Variants in PNRC2 observed in about 807,000 individuals in gnomAD.
PNRC2 encodes the protein proline rich nuclear receptor coactivator 2.
PNRC2 carries 2 observed loss-of-function variants against 12.2 expected under a neutral mutation model. The ratio of observed to expected loss-of-function variants is 0.16; its 90% CI spans 0.07 to 0.52. The LOEUF (loss-of-function observed/expected upper bound fraction) is 0.52, where lower values mean the gene tolerates loss of function less well. Among genes scored for constraint, PNRC2 ranks in the 20% least tolerant of loss-of-function variants. The pLI, the probability that PNRC2 is intolerant of heterozygous loss-of-function variation, is 0.95. For synonymous variants in PNRC2, 44 were observed against 53.9 expected, an observed-to-expected ratio of 0.82 and a Z score of 0.80; for missense variants, 115 against 158.4, an observed-to-expected ratio of 0.73 and a Z score of 1.47.
rs1641295261 is a variant in PNRC2 at position 23,962,293 on chromosome 1, T to C, written c.*416T>C. ...ATTAGAAACACCCAAACCAGTAATATGCTAACCTGATGCACTGCTGAAAGA... is the reference window on the plus strand; with the variant it reads ...ATTAGAAACACCCAAACCAGTAATACGCTAACCTGATGCACTGCTGAAAGA... On this transcript the variant is annotated 3_prime_UTR_variant, in exon 3 of 3. Coordinates refer to ENST00000334351, the MANE Select transcript of PNRC2 (RefSeq NM_017761.4). 1.1e-5 allele frequency: 2 copies of C among 174,740 alleles called. No individual in the cohort carries two copies. Among genetic ancestry groups the C allele is most frequent in the Non-Finnish European group, 2.8e-5 (2 of 72,334 alleles). The allele number at this position is 174,740 out of a possible 1,614,324, so 10.8% of individuals were successfully genotyped here.
In PNRC2 at chr1:23,962,340, A is replaced by G. The variant is rs1160599217; in HGVS notation, c.*463A>G. ...AAGAAAATGTGAATTTTTCGTAATA[A>G]TTGCATTTTAGTGAATTGTACAGTG... On this transcript the variant is annotated 3_prime_UTR_variant, in exon 3 of 3. Transcript: ENST00000334351. The G allele has an allele frequency of 5.9e-6, 1 of 170,538 alleles. No individual in the cohort carries two copies. The highest frequency in any genetic ancestry group is 6.2e-5 in the Admixed American group (1 of 16,076). The allele number at this position is 170,538 out of a possible 1,614,324, so 10.6% of individuals were successfully genotyped here. A position where few individuals can be genotyped will look rare whatever the true frequency, so the allele number is the denominator to read the frequency against.
At chr1:23,960,601 T>C (rs373961384) in intron 1 of PNRC2, among the ~76,000 whole-genome samples, 150 of 152,322 alleles carry the variant, frequency 9.8e-4, no homozygotes, top group African/African-American at 3.6e-3. Flanking sequence ...CTGAAGCCAA[T>C]TTTTTGATAT....
Position 23,961,547 on chromosome 1 carries a change from G to C in PNRC2, c.90G>C (p.Lys30Asn), listed in dbSNP as rs1279738881. ...NQQQLNRQKTKEQNSQMKIVH... is the reference protein window; with the variant it reads ...NQQQLNRQKTNEQNSQMKIVH... ...AACAGCTTAACAGACAGAAGACCAA[G>C]GAACAGAATTCCCAGATGAAGATTG... The change falls in exon 3 of 3, where the codon AAG becomes AAC. Residue 30 changes from lysine to asparagine, a missense_variant. This residue lies in a region of PNRC2 where 98 missense variants were observed against 112.4 expected (regional missense o/e 0.87). Coordinates refer to ENST00000334351, the MANE Select transcript of PNRC2 (RefSeq NM_017761.4). The C allele has an allele frequency of 4.3e-6, 7 of 1,613,544 alleles. No homozygotes were observed. The highest frequency in any genetic ancestry group is 5.9e-6 in the Non-Finnish European group (7 of 1,179,596).
chr1:23,959,496 G>A (rs1641236135), upstream of PNRC2, among the ~76,000 whole-genome samples: 2 of 152,300 alleles, frequency 1.3e-5, no homozygotes, highest in African/African-American at 4.8e-5. Flanking sequence ...TTTCCCCCAG[G>A]GCAGTCCCAA....
rs1190940796 is a variant in PNRC2, at chr1:23,959,866, C to G, written c.-357C>G. Reference sequence around the variant, plus strand: ...GAAGGAGAAGGTCGGGTTGTAGAAGCTGGGGTGGCCGGCAGCTCGCTCATC... The same window carrying G: ...GAAGGAGAAGGTCGGGTTGTAGAAGGTGGGGTGGCCGGCAGCTCGCTCATC... On this transcript the variant is annotated 5_prime_UTR_variant, in exon 1 of 3. Transcript: ENST00000334351. The G allele has an allele frequency of 6.6e-6, 1 of 152,304 alleles. No individual in the cohort carries two copies. The highest frequency in any genetic ancestry group is 1.5e-5 in the Non-Finnish European group (1 of 68,080). 9.4% of individuals were successfully genotyped at this position (152,304 alleles called of 1,614,324 possible).
Position 23,961,768 on chromosome 1 carries a change from C to G in PNRC2, c.311C>G (p.Pro104Arg). The G allele has an allele frequency of 6.2e-7, 1 of 1,613,908 alleles. No individual in the cohort carries two copies. Among genetic ancestry groups the G allele is most frequent in the South Asian group, 1.1e-5 (1 of 91,064 alleles). Reference protein sequence around the residue: ...AGAKFSEPPSPSVLPKPPSHW... With the variant: ...AGAKFSEPPSRSVLPKPPSHW... ...GCCAAATTTAGTGAGCCGCCATCAC[C>G]AAGTGTTCTTCCCAAACCACCAAGC... The change falls in exon 3 of 3, where the codon CCA (proline) becomes CGA (arginine). Residue 104 changes from proline to arginine, a missense_variant. By Grantham distance (103) the Pro-to-Arg change is moderately radical. Coordinates refer to ENST00000334351, the MANE Select transcript of PNRC2 (RefSeq NM_017761.4).
chr1:23,960,705 T>C (rs1230670804), intron 1 of PNRC2, among the ~76,000 whole-genome samples: 1 of 152,184 alleles, frequency 6.6e-6, no homozygotes, highest in Non-Finnish European at 1.5e-5. Context: ...TTGCGGGACT[T>C]GGAGACACTT....
Position 23,961,632 on chromosome 1 carries a change from A to T in PNRC2, c.175A>T (p.Met59Leu). 1 of 1,614,016 alleles carries T rather than the reference A, an allele frequency of 6.2e-7. No homozygotes were observed. ...CTCATCAGCAGCTGCCTGGCAGGCC[A>T]TGCAAAATGGGGGGAAGAACAAAAA... is the stretch of plus-strand genomic sequence containing the variant. ...YNSSAAAWQA[M>L]QNGGKNKNFP... is the part of the protein sequence containing the mutation. Residue 59 changes from methionine to leucine, a missense_variant, in exon 3 of 3, where the codon ATG becomes TTG. Met to Leu is a conservative substitution (Grantham distance 15). This residue lies in a region of PNRC2 where 98 missense variants were observed against 112.4 expected (regional missense o/e 0.87). Coordinates refer to ENST00000334351, the MANE Select transcript of PNRC2 (RefSeq NM_017761.4).
intron 2 of PNRC2, 85 bp from the exon 3 acceptor site, chr1:23,961,355 T>C (rs1271732549): frequency 9.2e-6 from 9 of 974,098 alleles, no homozygotes; most frequent in East Asian, 2.5e-5. Context: ...TCTGGAGTTA[T>C]AAGTTGGAGC....
chr1:23,960,796 C>T, intron 1 of PNRC2, 133 bp from the exon 2 acceptor site: 1 of 389,794 alleles, frequency 2.6e-6, no homozygotes, highest in East Asian at 3.6e-5. Context: ...CAAAGAAAGC[C>T]ATCTTACGAG....
Position 23,961,656 on chromosome 1 carries a change from A to G in PNRC2, c.199A>G (p.Asn67Asp). ...CATGCAAAATGGGGGGAAGAACAAA[A>G]ATTTTCCAAATAATCAAAGTTGGAA... ...QAMQNGGKNK[N>D]FPNNQSWNSS... is the part of the protein sequence containing the mutation. The change falls in exon 3 of 3, where the codon AAT becomes GAT. Residue 67 changes from asparagine to aspartate, a missense_variant. Coordinates refer to ENST00000334351, the MANE Select transcript of PNRC2 (RefSeq NM_017761.4). 1 of 1,613,922 alleles carries G rather than the reference A, an allele frequency of 6.2e-7. No homozygotes were observed. The highest frequency in any genetic ancestry group is 8.5e-7 in the Non-Finnish European group (1 of 1,179,828).
intron 2 of PNRC2, 86 bp from the exon 3 acceptor site, chr1:23,961,354 A>C (rs1228250446): frequency 1.0e-6 from 1 of 967,136 alleles, no homozygotes; most frequent in African/African-American, 1.6e-5. Flanking sequence ...ATCTGGAGTT[A>C]TAAGTTGGAG....
Position 23,961,690 on chromosome 1 carries a change from T to C in PNRC2, c.233T>C (p.Leu78Ser), listed in dbSNP as rs1203918241. The change falls in exon 3 of 3, where the codon TTA (leucine) becomes TCA (serine). Residue 78 changes from leucine to serine, a missense_variant. Around this residue, in one of 2 missense-constraint regions of PNRC2, gnomAD observed 98 missense variants for 112.4 expected, o/e 0.87. Transcript: ENST00000334351. ...FPNNQSWNSS[L>S]SGPRLLFKSQ... ...AATAATCAAAGTTGGAATTCTAGCT[T>C]ATCAGGTCCCAGGTTACTTTTTAAA... 2.5e-6 allele frequency: 4 copies of C among 1,613,888 alleles called. No homozygotes were observed. In the Admixed American group the frequency reaches 6.7e-5, roughly 27 times the overall value.
At position 23,959,997 on chromosome 1, in the gene PNRC2, C is replaced by G. The variant is rs1159809822; in HGVS notation, c.-226C>G. Reference sequence around the variant, plus strand: ...GCCGCGTTAGTTCCGAGCTTGAAGTCAGTAAGTAGCGGCTGCGCTAAGGGC... The same window carrying G: ...GCCGCGTTAGTTCCGAGCTTGAAGTGAGTAAGTAGCGGCTGCGCTAAGGGC... On this transcript the variant is annotated splice_region_variant and 5_prime_UTR_variant, in exon 1 of 3. Coordinates refer to ENST00000334351, the MANE Select transcript of PNRC2 (RefSeq NM_017761.4). 1 of 152,244 alleles carries G rather than the reference C, an allele frequency of 6.6e-6. No homozygotes were observed. The highest frequency in any genetic ancestry group is 1.5e-5 in the Non-Finnish European group (1 of 68,050). The allele number at this position is 152,244 out of a possible 1,614,324, so 9.4% of individuals were successfully genotyped here. A position where few individuals can be genotyped will look rare whatever the true frequency, so the allele number is the denominator to read the frequency against.
rs1294706297 is a variant in PNRC2, at chr1:23,963,277, TGATGCCTAAGCAGGTAAGCA to T, written c.*1412_*1431del. On this transcript the variant is annotated 3_prime_UTR_variant, in exon 3 of 3. Coordinates refer to ENST00000334351, the MANE Select transcript of PNRC2 (RefSeq NM_017761.4). Reference sequence around the variant, plus strand: ...CCCTATTTTCTAATTTGGCACCTCTTGATGCCTAAGCAGGTAAGCAGATGCCTAAGCTGTATTTCTCCAAA... The same window carrying T: ...CCCTATTTTCTAATTTGGCACCTCTTGATGCCTAAGCTGTATTTCTCCAAA... 1.2e-5 allele frequency: 2 copies of T among 167,136 alleles called. No individual in the cohort carries two copies. The highest frequency in any genetic ancestry group is 2.4e-5 in the African/African-American group (1 of 41,572). 10.4% of individuals were successfully genotyped at this position (167,136 alleles called of 1,614,324 possible). A position where few individuals can be genotyped will look rare whatever the true frequency, so the allele number is the denominator to read the frequency against.
chr1:23,959,625 GGACC>G (rs1641238250), upstream of PNRC2, among the ~76,000 whole-genome samples: 1 of 152,192 alleles, frequency 6.6e-6, no homozygotes, highest in East Asian at 1.9e-4. Context: ...AGACACCGGT[GGACC>G]GAGCAGTTAC....
Position 23,960,926 on chromosome 1 carries a change from T to C in PNRC2, c.-224-3T>C, listed in dbSNP as rs1042161365. ...AATAATGAAGTAATCTTTACTTTTCTAGCTAGGACTTCTCTCAAACTTGTG... is the reference window on the plus strand; with the variant it reads ...AATAATGAAGTAATCTTTACTTTTCCAGCTAGGACTTCTCTCAAACTTGTG... On this transcript the variant is annotated splice_region_variant and splice_polypyrimidine_tract_variant and intron_variant, in intron 1 of 2. Coordinates refer to ENST00000334351, the MANE Select transcript of PNRC2 (RefSeq NM_017761.4). 5.0e-6 allele frequency: 2 copies of C among 399,056 alleles called. No individual in the cohort carries two copies. The highest frequency in any genetic ancestry group is 8.8e-6 in the Non-Finnish European group (2 of 226,070). The allele number at this position is 399,056 out of a possible 1,614,324, so 24.7% of individuals were successfully genotyped here. A position where few individuals can be genotyped will look rare whatever the true frequency, so the allele number is the denominator to read the frequency against.
upstream of PNRC2, among the ~76,000 whole-genome samples, chr1:23,959,465 ACGTC>A (rs964321570): frequency 3.3e-5 from 5 of 151,828 alleles, no homozygotes; most frequent in African/African-American, 1.2e-4. Context: ...CGAGAACCAA[ACGTC>A]CCCCGCCGGT....
Position 23,961,894 on chromosome 1 carries a change from A to G in PNRC2, c.*17A>G. On this transcript the variant is annotated 3_prime_UTR_variant, in exon 3 of 3. Transcript: ENST00000334351. ...CAGGTATAAAATAAGACAAATGTTT[A>G]AATTTAGTTATGTTCACGGATAGTT... is the stretch of plus-strand genomic sequence containing the variant. 6.1e-6 allele frequency: 9 copies of G among 1,475,608 alleles called. No homozygotes were observed. Among genetic ancestry groups the G allele is most frequent in the Non-Finnish European group, 8.3e-6 (9 of 1,081,350 alleles). 91.4% of individuals were successfully genotyped at this position (1,475,608 alleles called of 1,614,324 possible). A position where few individuals can be genotyped will look rare whatever the true frequency, so the allele number is the denominator to read the frequency against.
Sources: gnomAD v4.1 joint callset for allele counts (sites outside exome capture counted in the v4.1 genomes callset) on GRCh38, gnomAD v4.1.1 for gene constraint, gnomAD v4.1.1 regional missense constraint, MANE v1.5 for transcripts, NCBI Gene and HGNC (gene_info 2026-07-23, HGNC 2026-07-21) for gene names.